CATSPERT: variants seen among roughly 807,000 people sequenced by gnomAD.
The protein encoded by CATSPERT is cation channel sperm-associated targeting subunit tau.
At chr2:201,605,053 T>TATAC in the CATSPERT span, among the ~76,000 whole-genome samples, 277 of 110,192 alleles carry the variant, frequency 2.5e-3, 1 homozygote, top group African/African-American at 8.3e-3. Context: ...CAAATATATA[T>TATAC]ATACATACAC....
At chr2:201,612,490 C>G in the CATSPERT span, among the ~76,000 whole-genome samples, 1 of 148,680 alleles carries the variant, frequency 6.7e-6, no homozygotes, top group Non-Finnish European at 1.5e-5. Flanking sequence ...AGGAGAATCA[C>G]TTGAACCCGG....
the CATSPERT span, among the ~76,000 whole-genome samples, chr2:201,614,622 C>T: frequency 1.3e-5 from 2 of 152,142 alleles, no homozygotes; most frequent in Non-Finnish European, 2.9e-5. Context: ...ATTGTAAAGA[C>T]CATTGATGCT....
the CATSPERT span, among the ~76,000 whole-genome samples, chr2:201,494,965 C>T: frequency 1.3e-5 from 2 of 151,912 alleles, no homozygotes; most frequent in Admixed American, 1.3e-4. Context: ...ATTCTTAATT[C>T]TGACACTATT....
At chr2:201,565,460 G>A in the CATSPERT span, among the ~76,000 whole-genome samples, 23 of 152,204 alleles carry the variant, frequency 1.5e-4, 1 homozygote, top group African/African-American at 4.3e-4. Flanking sequence ...GCCAAGCTGG[G>A]TGACAGAGTG....
chr2:201,601,317 G>GTGTGTGT, the CATSPERT span, among the ~76,000 whole-genome samples: 976 of 128,030 alleles, frequency 7.6e-3, 26 homozygotes, highest in Admixed American at 0.037. Flanking sequence ...TGTGTGTGTG[G>GTGTGTGT]GTTGTAATAA....
the CATSPERT span, among the ~76,000 whole-genome samples, chr2:201,597,537 C>T: frequency 0.87 from 132,512 of 151,882 alleles, 58,931 homozygotes; most frequent in South Asian, 0.98. Context: ...GCACCAAGAC[C>T]GCCATTCTCT....
chr2:201,618,772 G>C, the CATSPERT span: 1 of 630,320 alleles, frequency 1.6e-6, no homozygotes, highest in Non-Finnish European at 2.6e-6. Context: ...AGGATTAAAG[G>C]GTTCAATGTG....
At chr2:201,565,136 T>C in the CATSPERT span, among the ~76,000 whole-genome samples, 2 of 151,554 alleles carry the variant, frequency 1.3e-5, no homozygotes, top group Admixed American at 1.3e-4. Context: ...ACCTACGAAA[T>C]ACACTGGTGA....
chr2:201,553,609 T>G, the CATSPERT span: 1 of 152,244 alleles, frequency 6.6e-6, no homozygotes, highest in Non-Finnish European at 1.5e-5. Flanking sequence ...TTTCTGTCTA[T>G]TGATGAAGTT....
At chr2:201,532,430 C>T in the CATSPERT span, among the ~76,000 whole-genome samples, 2 of 152,050 alleles carry the variant, frequency 1.3e-5, no homozygotes, top group South Asian at 2.1e-4. Flanking sequence ...ATTCAGTCTT[C>T]GTCATGTTAA....
the CATSPERT span, among the ~76,000 whole-genome samples, chr2:201,591,915 A>AT: frequency 2.6e-5 from 4 of 151,952 alleles, no homozygotes; most frequent in African/African-American, 9.7e-5. Flanking sequence ...TAGATATACA[A>AT]TCATGTCGTC....
chr2:201,538,274 G>A, the CATSPERT span, among the ~76,000 whole-genome samples: 1 of 151,976 alleles, frequency 6.6e-6, no homozygotes, highest in Non-Finnish European at 1.5e-5. Flanking sequence ...TTGTCTTTCT[G>A]TGACTGGCTT....
the CATSPERT span, chr2:201,565,713 T>A: frequency 6.6e-7 from 1 of 1,504,074 alleles, no homozygotes; most frequent in Non-Finnish European, 8.8e-7. Flanking sequence ...GAATTTTTTT[T>A]TTTTTTTTTT....
the CATSPERT span, among the ~76,000 whole-genome samples, chr2:201,527,321 TA>T: frequency 6.6e-6 from 1 of 152,180 alleles, no homozygotes; most frequent in Admixed American, 6.5e-5. Context: ...ATTGTTAAAA[TA>T]GCCATACTGC....
the CATSPERT span, among the ~76,000 whole-genome samples, chr2:201,519,051 G>A: frequency 1.3e-5 from 2 of 152,178 alleles, no homozygotes; most frequent in African/African-American, 4.8e-5. Flanking sequence ...CACAGTTGTT[G>A]TTAGGTCAGT....
chr2:201,581,600 A>ACATC, the CATSPERT span, among the ~76,000 whole-genome samples: 1 of 96,182 alleles, frequency 1.0e-5, no homozygotes, highest in African/African-American at 4.0e-5. Flanking sequence ...ATATACACAT[A>ACATC]CATATTCTGG....
chr2:201,598,505 A>G, the CATSPERT span, among the ~76,000 whole-genome samples: 3 of 152,094 alleles, frequency 2.0e-5, no homozygotes, highest in Admixed American at 6.5e-5. Flanking sequence ...GTCCCCTCCC[A>G]GGGTTAGACT....
At chr2:201,582,507 A>G in the CATSPERT span, among the ~76,000 whole-genome samples, 62 of 152,230 alleles carry the variant, frequency 4.1e-4, 2 homozygotes, top group Admixed American at 1.3e-3. Flanking sequence ...CATTACCTAC[A>G]TTCTCTTTTT....
At chr2:201,514,879 C>G in the CATSPERT span, among the ~76,000 whole-genome samples, 151 of 152,260 alleles carry the variant, frequency 9.9e-4, no homozygotes, top group Non-Finnish European at 1.8e-3. Context: ...TCCAGGGCCC[C>G]AACTGAACCA....
Sources: gnomAD v4.1 joint callset for allele counts (sites outside exome capture counted in the v4.1 genomes callset) on GRCh38, gnomAD v4.1.1 for gene constraint, MANE v1.5 for transcripts, NCBI Gene and HGNC (gene_info 2026-07-23, HGNC 2026-07-21) for gene names.